The following SYTL3 variants were observed in gnomAD, a reference collection of about 807,000 sequenced individuals.
The protein encoded by SYTL3 is synaptotagmin like 3.
Under a neutral mutation model 82.1 loss-of-function variants are expected in SYTL3, and 88 were observed. The observed-to-expected ratio is 1.07, with a 90% CI of 0.90 to 1.28. The LOEUF (loss-of-function observed/expected upper bound fraction) is 1.28, where lower values mean the gene tolerates loss of function less well. Among genes scored for constraint, SYTL3 ranks in the 50% most tolerant of loss-of-function variants. The pLI is 0.00. For missense variants in SYTL3, 831 were observed against 757.6 expected, an observed-to-expected ratio of 1.10 and a Z score of -1.14; for synonymous variants, 311 against 289.4, an observed-to-expected ratio of 1.07 and a Z score of -0.76.
Position 158,663,248 on chromosome 6 carries a change from G to C in SYTL3, c.-21G>C, listed in dbSNP as rs1450199356. ...ATGCAGTGAAGCTCTTCCAACCTGG[G>C]TCAACGAAAACGGAGAAGAAATGGC... On this transcript the variant is annotated 5_prime_UTR_variant, in exon 4 of 18. Coordinates refer to ENST00000611299, the MANE Select transcript of SYTL3 (RefSeq NM_001242394.2). The C allele has an allele frequency of 6.2e-7, 1 of 1,613,158 alleles. No homozygotes were observed. The highest frequency in any genetic ancestry group is 1.3e-5 in the African/African-American group (1 of 75,036).
At chr6:158,763,694 T>C (rs1365384947) in intron 17 of SYTL3, among the ~76,000 whole-genome samples, 185 bp downstream of exon 17, 1 of 152,214 alleles carries the variant, frequency 6.6e-6, no homozygotes, top group African/African-American at 2.4e-5. Flanking sequence ...GCCAAGTATT[T>C]TGACAATTTA....
At chr6:158,663,565 G>A (rs1789628018) in intron 4 of SYTL3, 187 bp downstream of exon 4, 1 of 985,300 alleles carries the variant, frequency 1.0e-6, no homozygotes, top group African/African-American at 1.7e-5. Flanking sequence ...AAACGTAGAG[G>A]ACGCTCAGGA....
intron 6 of SYTL3, among the ~76,000 whole-genome samples, chr6:158,685,200 G>A (rs1779154289): frequency 6.9e-6 from 1 of 144,414 alleles, no homozygotes; most frequent in Admixed American, 6.8e-5. Context: ...TTGCTTTTAT[G>A]TCTCTCTCTC....
chr6:158,674,323 T>C (rs1337427499), intron 5 of SYTL3, among the ~76,000 whole-genome samples: 1 of 152,144 alleles, frequency 6.6e-6, no homozygotes, highest in African/African-American at 2.4e-5. Flanking sequence ...AGTCCCACCG[T>C]CTCTTCATCC....
At chr6:158,702,158 T>C (rs779993109) in intron 6 of SYTL3, among the ~76,000 whole-genome samples, 1 of 151,130 alleles carries the variant, frequency 6.6e-6, no homozygotes, top group Non-Finnish European at 1.5e-5. Context: ...CATTTAAAAT[T>C]TTTTTTGTAG....
chr6:158,714,679 G>A (rs1241784554), intron 9 of SYTL3, among the ~76,000 whole-genome samples: 1 of 152,182 alleles, frequency 6.6e-6, no homozygotes, highest in Non-Finnish European at 1.5e-5. Flanking sequence ...CTGGTCAGGT[G>A]TTTAGAAAAT....
At chr6:158,749,874 G>A (rs1166037877) in intron 12 of SYTL3, among the ~76,000 whole-genome samples, 1 of 152,176 alleles carries the variant, frequency 6.6e-6, no homozygotes, top group African/African-American at 2.4e-5. Context: ...ATCTGTTAAA[G>A]AGATTGAATT....
chr6:158,725,348 C>T (rs1784593276), intron 10 of SYTL3, among the ~76,000 whole-genome samples, 155 bp from the exon 11 acceptor site: 1 of 151,944 alleles, frequency 6.6e-6, no homozygotes, highest in African/African-American at 2.4e-5. Flanking sequence ...TGTGTGCGCA[C>T]GTGCACGCAT....
chr6:158,762,489 A>G (rs909696936), intron 16 of SYTL3, among the ~76,000 whole-genome samples: 5 of 152,164 alleles, frequency 3.3e-5, no homozygotes, highest in African/African-American at 9.7e-5. Context: ...TTGGACCAAC[A>G]GTAAAACGCA....
intron 6 of SYTL3, among the ~76,000 whole-genome samples, chr6:158,695,789 G>C (rs759628003): frequency 2.6e-5 from 4 of 152,052 alleles, no homozygotes; most frequent in African/African-American, 4.8e-5. Flanking sequence ...TTGTTCTTTT[G>C]TATCTGGCTT....
chr6:158,754,630 G>C (rs1788833094), intron 13 of SYTL3, among the ~76,000 whole-genome samples: 1 of 152,244 alleles, frequency 6.6e-6, no homozygotes, highest in South Asian at 2.1e-4. Context: ...TGAGGCAGGA[G>C]AATGGCGTGA....
chr6:158,752,115 C>A, intron 13 of SYTL3, 85 bp downstream of exon 13: 1 of 841,252 alleles, frequency 1.2e-6, no homozygotes, highest in South Asian at 2.1e-5. Flanking sequence ...ATGGTGCTTT[C>A]AAACTCTTGA....
chr6:158,736,852 C>T (rs187406829), intron 11 of SYTL3, among the ~76,000 whole-genome samples: 46 of 148,376 alleles, frequency 3.1e-4, no homozygotes, highest in Admixed American at 2.5e-3. Context: ...GATTAACAGA[C>T]AGTTTGAAAT....
chr6:158,652,698 TGCCCG>T (rs1299840589), intron 2 of SYTL3, among the ~76,000 whole-genome samples: 1 of 151,984 alleles, frequency 6.6e-6, no homozygotes, highest in Non-Finnish European at 1.5e-5. Flanking sequence ...CCCACCACCA[TGCCCG>T]GCTAATTTTT....
chr6:158,719,736 C>G (rs1783846426), intron 10 of SYTL3, among the ~76,000 whole-genome samples: 1 of 152,330 alleles, frequency 6.6e-6, no homozygotes, highest in South Asian at 2.1e-4. Context: ...AGCATTGCTT[C>G]TTACCTACTT....
intron 6 of SYTL3, among the ~76,000 whole-genome samples, chr6:158,698,536 TG>T (rs1407965508): frequency 2.6e-5 from 4 of 152,176 alleles, no homozygotes; most frequent in Non-Finnish European, 4.4e-5. Context: ...AACTATAGAT[TG>T]GTTTAAAACT....
chr6:158,760,708 CCCTT>C lies in SYTL3; in HGVS notation c.1379_1382del (p.Pro460HisfsTer25), dbSNP rs1410508847. Reference sequence around the variant, plus strand: ...TCACAGTCCGGGCTAAGCTGGTTCTCCCTTCACGGCCCAGAAAACTCCAAGAGGC... The same window carrying C: ...TCACAGTCCGGGCTAAGCTGGTTCTCCACGGCCCAGAAAACTCCAAGAGGC... On this transcript the variant is annotated frameshift_variant, in exon 15 of 18. Coordinates refer to ENST00000611299, the MANE Select transcript of SYTL3 (RefSeq NM_001242394.2). LOFTEE classifies it high-confidence loss of function. The C allele has an allele frequency of 1.9e-6, 3 of 1,614,036 alleles. No individual in the cohort carries two copies. Among genetic ancestry groups the C allele is most frequent in the Non-Finnish European group, 2.5e-6 (3 of 1,180,002 alleles).
At chr6:158,702,950 C>T (rs1015302141) in intron 6 of SYTL3, among the ~76,000 whole-genome samples, 19 of 151,938 alleles carry the variant, frequency 1.3e-4, no homozygotes, top group South Asian at 4.2e-4. Flanking sequence ...GTCAGGAGAT[C>T]GAGACCATCC....
chr6:158,683,728 C>T (rs896708543), intron 6 of SYTL3, among the ~76,000 whole-genome samples: 1 of 152,180 alleles, frequency 6.6e-6, no homozygotes, highest in Admixed American at 6.5e-5. Context: ...TCTTGTTAGC[C>T]CATATTGCGC....
Sources: gnomAD v4.1 joint callset for allele counts (sites outside exome capture counted in the v4.1 genomes callset) on GRCh38, gnomAD v4.1.1 for gene constraint, MANE v1.5 for transcripts, NCBI Gene and HGNC (gene_info 2026-07-23, HGNC 2026-07-21) for gene names.